Variants in MITF observed in about 807,000 individuals in gnomAD.
MITF encodes microphthalmia-associated transcription factor.
In MITF, 17 loss-of-function variants were observed where a neutral mutation model predicts 60.5. That is an observed-to-expected ratio of 0.28 (90% CI 0.19 to 0.42). The LOEUF is 0.42. Ranked by LOEUF, MITF falls within the 10% of genes least tolerant of loss-of-function variation. MITF has a pLI of 1.00. For missense variants in MITF, 622 were observed against 683.5 expected, an observed-to-expected ratio of 0.91 and a Z score of 1.00; for synonymous variants, 260 against 248.5, an observed-to-expected ratio of 1.05 and a Z score of -0.43.
intron 2 of MITF, among the ~76,000 whole-genome samples, chr3:69,918,063 G>GTTTTGT (rs1308630436): frequency 1.3e-5 from 2 of 151,826 alleles, no homozygotes; most frequent in African/African-American, 4.8e-5. Flanking sequence ...GGGTTTTGGG[G>GTTTTGT]TTTTGTTTTT....
At chr3:69,951,679 TA>T in intron 6 of MITF, 132 bp from the exon 7 acceptor site, 1 of 693,076 alleles carries the variant, frequency 1.4e-6, no homozygotes, top group Non-Finnish European at 2.6e-6. Flanking sequence ...ATATCATTTT[TA>T]AAAAAACGTA....
Position 69,959,143 on chromosome 3 carries a change from T to A in MITF, c.1032-130T>A, listed in dbSNP as rs2066475888. On this transcript the variant is annotated intron_variant, in intron 8 of 9. Coordinates refer to ENST00000352241, the MANE Select transcript of MITF (RefSeq NM_001354604.2). ...CTTATCCATGTAACCAAGCACCACCTGTTCCCCCAAAACTATTGAAATAAA... is the reference window on the plus strand; with the variant it reads ...CTTATCCATGTAACCAAGCACCACCAGTTCCCCCAAAACTATTGAAATAAA... The A allele has an allele frequency of 4.5e-6, 5 of 1,099,202 alleles. No individual in the cohort carries two copies. The South Asian group carries it at 7.8e-5, about 17-fold the overall frequency. 68.1% of individuals were successfully genotyped at this position (1,099,202 alleles called of 1,614,324 possible).
intron 1 of MITF, among the ~76,000 whole-genome samples, chr3:69,785,185 A>C (rs919902673): frequency 6.6e-6 from 1 of 152,008 alleles, no homozygotes; most frequent in African/African-American, 2.4e-5. Context: ...GGGCACTTGA[A>C]CATTCTTCAT....
rs555370353 is a variant in MITF, at chr3:69,943,214, G to A, written c.762+1883G>A. 5.3e-5 allele frequency among the ~76,000 whole-genome samples: 8 copies of A among 151,000 alleles called. No homozygotes were observed. In the East Asian group the frequency reaches 1.6e-3, roughly 30 times the overall value. ...ACTACACCTGGCCTGACCTTCTCTT[G>A]CATCTCGTTAGTATTCTCCACAAAA... On this transcript the variant is annotated intron_variant, in intron 5 of 9. Coordinates refer to ENST00000352241, the MANE Select transcript of MITF (RefSeq NM_001354604.2).
chr3:69,821,049 C>A (rs1266166044), intron 1 of MITF, among the ~76,000 whole-genome samples: 1 of 152,056 alleles, frequency 6.6e-6, no homozygotes, highest in African/African-American at 2.4e-5. Context: ...AATTTGAGCC[C>A]CAAACTTATA....
intron 1 of MITF, among the ~76,000 whole-genome samples, chr3:69,783,303 G>A (rs1296490261): frequency 6.6e-6 from 1 of 152,052 alleles, no homozygotes; most frequent in South Asian, 2.1e-4. Flanking sequence ...CATCTGTACA[G>A]TATTAGATTT....
At chr3:69,767,755 A>G (rs927547051) in intron 1 of MITF, among the ~76,000 whole-genome samples, 1 of 152,110 alleles carries the variant, frequency 6.6e-6, no homozygotes, top group Non-Finnish European at 1.5e-5. Context: ...CCAGCTTCAT[A>G]CAGAGGAATA....
intron 2 of MITF, among the ~76,000 whole-genome samples, chr3:69,889,640 A>G (rs1276783336): frequency 2.0e-5 from 3 of 152,068 alleles, no homozygotes; most frequent in African/African-American, 4.8e-5. Flanking sequence ...TTAAAATTGC[A>G]TGTATATTTT....
At chr3:69,857,762 G>T (rs540167692) in intron 1 of MITF, among the ~76,000 whole-genome samples, 2 of 152,226 alleles carry the variant, frequency 1.3e-5, no homozygotes, top group East Asian at 3.9e-4. Flanking sequence ...TATCAGTTAT[G>T]CATCTTAAGC....
intron 7 of MITF, among the ~76,000 whole-genome samples, chr3:69,954,187 GA>G (rs144272430): frequency 0.012 from 1,775 of 152,234 alleles, 37 homozygotes; most frequent in African/African-American, 0.04. Context: ...GCTGGTGAGT[GA>G]AAAAAAGATG....
chr3:69,792,908 T>C (rs2062764037), intron 1 of MITF, among the ~76,000 whole-genome samples: 1 of 151,618 alleles, frequency 6.6e-6, no homozygotes. Flanking sequence ...CCCTGTATAA[T>C]ATTTGAAGAG....
At position 69,863,639 on chromosome 3, in the gene MITF, G is replaced by A. The variant is rs113144391; in HGVS notation, c.105-15495G>A. Among the ~76,000 whole-genome samples, 175 of 152,350 alleles carry A rather than the reference G, an allele frequency of 1.1e-3. 1 individual carries two copies. The highest frequency in any genetic ancestry group is 3.9e-3 in the African/African-American group (164 of 41,596). ...TAATAAATCAGAGTTTCAGTTCTAAGATGTACCCGAGTGCCTTGTAGGTTT... is the reference window on the plus strand; with the variant it reads ...TAATAAATCAGAGTTTCAGTTCTAAAATGTACCCGAGTGCCTTGTAGGTTT... On this transcript the variant is annotated intron_variant, in intron 1 of 9. Transcript: ENST00000352241.
At chr3:69,863,654 CT>C in intron 1 of MITF, among the ~76,000 whole-genome samples, 2 of 152,124 alleles carry the variant, frequency 1.3e-5, no homozygotes, top group Non-Finnish European at 2.9e-5. Context: ...ACCCGAGTGC[CT>C]TGTAGGTTTA....
At chr3:69,860,458 C>T (rs995569174) in intron 1 of MITF, among the ~76,000 whole-genome samples, 1 of 151,976 alleles carries the variant, frequency 6.6e-6, no homozygotes, top group African/African-American at 2.4e-5. Flanking sequence ...ATTAGCCGGG[C>T]GCAGTGGCGG....
chr3:69,760,055 G>A (rs2062189256), intron 1 of MITF, among the ~76,000 whole-genome samples: 1 of 152,232 alleles, frequency 6.6e-6, no homozygotes, highest in African/African-American at 2.4e-5. Flanking sequence ...TGGGATTACA[G>A]GCGTGAGCCA....
At chr3:69,797,257 T>C (rs919765260) in intron 1 of MITF, among the ~76,000 whole-genome samples, 2 of 152,128 alleles carry the variant, frequency 1.3e-5, no homozygotes, top group Non-Finnish European at 2.9e-5. Flanking sequence ...AGGAGTTTGT[T>C]TGAGTTTTTT....
chr3:69,953,451 G>A (rs1435957741), intron 7 of MITF, among the ~76,000 whole-genome samples: 1 of 151,906 alleles, frequency 6.6e-6, no homozygotes, highest in Admixed American at 6.6e-5. Flanking sequence ...TAATACTCAA[G>A]GTTAGATTGC....
At chr3:69,947,595 T>G (rs1189934286) in intron 5 of MITF, among the ~76,000 whole-genome samples, 2 of 152,144 alleles carry the variant, frequency 1.3e-5, no homozygotes, top group Non-Finnish European at 2.9e-5. Flanking sequence ...GATGTCTATT[T>G]TTGTGCCTGT....
At chr3:69,917,901 G>C (rs1269884792) in intron 2 of MITF, among the ~76,000 whole-genome samples, 1 of 151,990 alleles carries the variant, frequency 6.6e-6, no homozygotes, top group African/African-American at 2.4e-5. Flanking sequence ...CTGCTAGCAT[G>C]GTTGGGGACC....
Sources: allele counts gnomAD v4.1 joint callset (sites outside exome capture counted in the v4.1 genomes callset), GRCh38; gene constraint gnomAD v4.1.1; transcripts MANE v1.5; gene names NCBI Gene and HGNC (gene_info 2026-07-23, HGNC 2026-07-21).